Variants in HLCS observed in about 807,000 individuals in gnomAD.
The protein encoded by HLCS is holocarboxylase synthetase, also known as biotin--protein ligase.
HLCS carries 53 observed loss-of-function variants against 75.0 expected under a neutral mutation model. That is an observed-to-expected ratio of 0.71 (90% CI 0.57 to 0.89). HLCS has a LOEUF of 0.89. Among genes scored for constraint, HLCS ranks in the 40% least tolerant of loss-of-function variants. The pLI, the probability that HLCS is intolerant of heterozygous loss-of-function variation, is 0.00. For synonymous variants in HLCS, 431 were observed against 428.6 expected, an observed-to-expected ratio of 1.01 and a Z score of -0.07; for missense variants, 966 against 1,074.0, an observed-to-expected ratio of 0.90 and a Z score of 1.41.
chr21:36,859,639 T>C (rs1438251367), intron 6 of HLCS, among the ~76,000 whole-genome samples: 2 of 152,248 alleles, frequency 1.3e-5, no homozygotes, highest in African/African-American at 2.4e-5. Flanking sequence ...GTGGCCTTGC[T>C]GCACAGAGCA....
intron 1 of HLCS, among the ~76,000 whole-genome samples, chr21:36,983,181 CTTTT>C (rs145281361): frequency 0.12 from 17,500 of 151,992 alleles, 1,641 homozygotes; most frequent in African/African-American, 0.26. Context: ...CATACAACCT[CTTTT>C]TTATTTTCTT....
chr21:36,882,735 A>G (rs1435384222), intron 6 of HLCS, among the ~76,000 whole-genome samples: 3 of 150,132 alleles, frequency 2.0e-5, no homozygotes, highest in African/African-American at 7.4e-5. Flanking sequence ...TGTTGGGATT[A>G]CAGGTGTGAG....
At chr21:36,854,617 G>A (rs975942936) in intron 6 of HLCS, among the ~76,000 whole-genome samples, 4 of 152,182 alleles carry the variant, frequency 2.6e-5, no homozygotes, top group Non-Finnish European at 4.4e-5. Flanking sequence ...GTCACAGGAA[G>A]GACCCCATAG....
intron 2 of HLCS, among the ~76,000 whole-genome samples, chr21:36,961,224 G>A (rs2068272356): frequency 6.6e-6 from 1 of 152,238 alleles, no homozygotes; most frequent in African/African-American, 2.4e-5. Flanking sequence ...TAGGACGTAG[G>A]TGGTGATATA....
rs1006278128 is a variant in HLCS, at chr21:36,750,792, A to G, written c.*3454T>C. The G allele has an allele frequency of 6.6e-6, 1 of 151,468 alleles. No individual in the cohort carries two copies. Among genetic ancestry groups the G allele is most frequent in the African/African-American group, 2.4e-5 (1 of 41,134 alleles). 9.4% of individuals were successfully genotyped at this position (151,468 alleles called of 1,614,324 possible). A position where few individuals can be genotyped will look rare whatever the true frequency, so the allele number is the denominator to read the frequency against. On this transcript the variant is annotated 3_prime_UTR_variant, in exon 11 of 11. Coordinates refer to ENST00000674895, the MANE Select transcript of HLCS (RefSeq NM_001352514.2). ...CTGTTCCTAAACTTAAGTATGACAT[A>G]TAAGATTAAAATCTTGGGGGGAAAA... is the stretch of plus-strand genomic sequence containing the variant.
intron 8 of HLCS, among the ~76,000 whole-genome samples, chr21:36,763,925 C>T (rs2089942085): frequency 6.6e-6 from 1 of 152,208 alleles, no homozygotes; most frequent in South Asian, 2.1e-4. Context: ...AGTGGATCTG[C>T]ACATTGTATG....
At position 36,937,046 on chromosome 21, in the gene HLCS, G is replaced by A. The variant is rs779907293; in HGVS notation, c.840C>T (p.Tyr280=). The A allele has an allele frequency of 2.5e-6, 4 of 1,614,106 alleles. No individual in the cohort carries two copies. The highest frequency in any genetic ancestry group is 1.7e-5 in the Admixed American group (1 of 60,020). Residue 280 remains tyrosine, a synonymous_variant, in exon 4 of 11, where the codon TAC becomes TAT. Transcript: ENST00000674895. The part of the protein sequence containing the change: ...ASAENIPDLP[Y]DYSSSLESVA... The stretch of plus-strand genomic sequence containing the variant: ...CACTCTCCAAACTGCTGCTATAATC[G>A]TAGGGAAGGTCTGGAATGTTCTCGG...
chr21:36,866,713 A>G (rs1047319999), intron 6 of HLCS, among the ~76,000 whole-genome samples: 2 of 152,240 alleles, frequency 1.3e-5, no homozygotes, highest in African/African-American at 4.8e-5. Flanking sequence ...CCTTTAAATA[A>G]TTCAGTTTCA....
chr21:36,756,450 CAAAAAAAAAAAAAAA>C (rs56071863), intron 10 of HLCS, 77 bp downstream of exon 10: 3 of 369,598 alleles, frequency 8.1e-6, no homozygotes, highest in Non-Finnish European at 1.4e-5. Flanking sequence ...GACTCCGTCT[CAAAAAAAAAAAAAAA>C]AAAAAAAAAA....
intron 2 of HLCS, among the ~76,000 whole-genome samples, chr21:36,945,649 G>C (rs971678777): frequency 1.3e-5 from 2 of 152,200 alleles, no homozygotes; most frequent in African/African-American, 4.8e-5. Context: ...GTTGCCAGGA[G>C]CTGAGGTGTC....
intron 6 of HLCS, among the ~76,000 whole-genome samples, chr21:36,895,700 T>C (rs1194622585): frequency 1.3e-5 from 2 of 152,146 alleles, no homozygotes; most frequent in Non-Finnish European, 2.9e-5. Flanking sequence ...TTCCAGAAAC[T>C]ATTATCAAGA....
chr21:36,785,392 C>T (rs931505492), intron 6 of HLCS, among the ~76,000 whole-genome samples: 2 of 152,170 alleles, frequency 1.3e-5, no homozygotes, highest in Non-Finnish European at 2.9e-5. Context: ...AACAGATTTT[C>T]GTTCAAATGG....
At chr21:36,981,685 C>A (rs2069125399) in intron 1 of HLCS, among the ~76,000 whole-genome samples, 1 of 152,074 alleles carries the variant, frequency 6.6e-6, no homozygotes, top group African/African-American at 2.4e-5. Flanking sequence ...CAGCTGTAAG[C>A]CACTGCATCC....
intron 2 of HLCS, among the ~76,000 whole-genome samples, chr21:36,939,326 G>C (rs1426640649): frequency 6.6e-6 from 1 of 152,206 alleles, no homozygotes; most frequent in Non-Finnish European, 1.5e-5. Flanking sequence ...AAACAGAGAA[G>C]AGGAGAGAAC....
chr21:36,772,611 C>T (rs1406151533), intron 6 of HLCS, among the ~76,000 whole-genome samples: 2 of 144,852 alleles, frequency 1.4e-5, no homozygotes, highest in Non-Finnish European at 3.0e-5. Flanking sequence ...TGCACTCCAG[C>T]CTGGGCAACA....
intron 2 of HLCS, among the ~76,000 whole-genome samples, chr21:36,941,066 G>A (rs2146547108): frequency 6.6e-6 from 1 of 152,308 alleles, no homozygotes; most frequent in East Asian, 1.9e-4. Context: ...ACAAAAATTA[G>A]CCAGGCGTTG....
chr21:36,910,304 G>A (rs994608190), intron 5 of HLCS, among the ~76,000 whole-genome samples: 2 of 152,178 alleles, frequency 1.3e-5, no homozygotes, highest in African/African-American at 4.8e-5. Flanking sequence ...CGGCACTTTG[G>A]GAGGCTGAGG....
At position 36,937,146 on chromosome 21, in the gene HLCS, T is replaced by C. The variant is rs1477156017; in HGVS notation, c.740A>G (p.His247Arg). Reference protein sequence around the residue: ...DRGGGPVEHYHLHLSSCHECL... With the variant: ...DRGGGPVEHYRLHLSSCHECL... ...CTCGTGGCAACTAGACAGATGGAGG[T>C]GATAATGCTCAACGGGGCCCCCTCC... Residue 247 changes from histidine (H) to arginine (R), a missense_variant, in exon 4 of 11, where the codon CAC (histidine) becomes CGC (arginine). Coordinates refer to ENST00000674895, the MANE Select transcript of HLCS (RefSeq NM_001352514.2). The C allele has an allele frequency of 1.2e-6, 2 of 1,613,980 alleles. No individual in the cohort carries two copies. The highest frequency in any genetic ancestry group is 1.7e-6 in the Non-Finnish European group (2 of 1,179,990).
chr21:36,769,976 A>G (rs2090175098), intron 6 of HLCS, among the ~76,000 whole-genome samples: 1 of 152,214 alleles, frequency 6.6e-6, no homozygotes, highest in Admixed American at 6.5e-5. Flanking sequence ...AAATATGGAA[A>G]CAACCTCACT....
Sources: allele counts gnomAD v4.1 joint callset (sites outside exome capture counted in the v4.1 genomes callset), GRCh38; gene constraint gnomAD v4.1.1; transcripts MANE v1.5; gene names NCBI Gene and HGNC (gene_info 2026-07-23, HGNC 2026-07-21).